Variants in ACTR3 observed in about 807,000 individuals in gnomAD.
ACTR3 encodes actin-related protein 3.
In ACTR3, 12 loss-of-function variants were observed where a neutral mutation model predicts 56.8. The ratio of observed to expected loss-of-function variants is 0.21; its 90% CI spans 0.14 to 0.34. ACTR3 has a LOEUF of 0.34. ACTR3 is among the 10% of genes least tolerant of loss of function. The pLI, the probability that ACTR3 is intolerant of heterozygous loss-of-function variation, is 1.00. For synonymous variants in ACTR3, 162 were observed against 167.4 expected (o/e 0.97, Z 0.25); for missense variants, 282 against 512.5 (o/e 0.55, Z 4.34).
At chr2:113,897,867 G>A (rs1211070784) in intron 1 of ACTR3, among the ~76,000 whole-genome samples, 1 of 152,008 alleles carries the variant, frequency 6.6e-6, no homozygotes, top group Non-Finnish European at 1.5e-5. Context: ...TACTCAACAT[G>A]CCATGTTTTC....
At chr2:113,908,631 A>G (rs1361778850) in intron 1 of ACTR3, among the ~76,000 whole-genome samples, 6 of 151,908 alleles carry the variant, frequency 3.9e-5, no homozygotes, top group Non-Finnish European at 7.4e-5. Flanking sequence ...TTCTGTTCTT[A>G]TTTTTAAAAT....
chr2:113,900,061 G>A (rs1418469022), intron 1 of ACTR3, among the ~76,000 whole-genome samples: 1 of 152,138 alleles, frequency 6.6e-6, no homozygotes, highest in Non-Finnish European at 1.5e-5. Flanking sequence ...TCTGGGTCTA[G>A]TATTTTACTT....
At chr2:113,957,302 A>G in intron 11 of ACTR3, 58 bp from the exon 12 acceptor site, 2 of 1,247,324 alleles carry the variant, frequency 1.6e-6, no homozygotes, top group Non-Finnish European at 2.4e-6. Flanking sequence ...TTATTTCAAT[A>G]TACCTTCAAG....
chr2:113,931,539 A>T (rs912669418), intron 5 of ACTR3, 143 bp downstream of exon 5: 5 of 442,608 alleles, frequency 1.1e-5, no homozygotes, highest in Non-Finnish European at 2.0e-5. Context: ...CTGAATTGTT[A>T]ATTTAGAAGT....
intron 2 of ACTR3, among the ~76,000 whole-genome samples, chr2:113,916,435 A>G (rs1679406392): frequency 6.6e-6 from 1 of 152,150 alleles, no homozygotes; most frequent in South Asian, 2.1e-4. Context: ...ACTAGACCCA[A>G]TCACTATTAC....
intron 1 of ACTR3, among the ~76,000 whole-genome samples, chr2:113,909,281 A>G (rs1679259175): frequency 6.6e-6 from 1 of 152,124 alleles, no homozygotes; most frequent in Non-Finnish European, 1.5e-5. Flanking sequence ...ACTGTTTTGT[A>G]TTAGGTTCAT....
Position 113,913,895 on chromosome 2 carries a change from C to T in ACTR3, c.100+668C>T, listed in dbSNP as rs372236993. Among the ~76,000 whole-genome samples the T allele has an allele frequency of 3.9e-5, 6 of 152,292 alleles. No individual in the cohort carries two copies. The South Asian group carries it at 1.2e-3, about 32-fold the overall frequency. ...CTGTTCCTTGATTAACGTACTTTTACACTTTTGACTTGCAAACAGTTCACG... is the reference window on the plus strand; with the variant it reads ...CTGTTCCTTGATTAACGTACTTTTATACTTTTGACTTGCAAACAGTTCACG... On this transcript the variant is annotated intron_variant, in intron 2 of 11. Coordinates refer to ENST00000263238, the MANE Select transcript of ACTR3 (RefSeq NM_005721.5).
intron 2 of ACTR3, among the ~76,000 whole-genome samples, chr2:113,915,567 A>G (rs1026011529): frequency 4.6e-5 from 7 of 152,212 alleles, no homozygotes; most frequent in African/African-American, 7.2e-5. Context: ...TCTTTTGTGT[A>G]TAATCTTTTG....
intron 1 of ACTR3, among the ~76,000 whole-genome samples, chr2:113,908,739 C>T (rs1218384378): frequency 1.3e-5 from 2 of 151,586 alleles, no homozygotes; most frequent in African/African-American, 2.4e-5. Flanking sequence ...TAGTATAAAG[C>T]GAGTGGTTTT....
rs903244632 is a variant in ACTR3 at position 113,941,444 on chromosome 2, G to A, written c.685-742G>A. Among the ~76,000 whole-genome samples the A allele has an allele frequency of 3.9e-5, 6 of 151,948 alleles. No individual in the cohort carries two copies. The East Asian group carries it at 5.8e-4, about 15-fold the overall frequency. ...TCAAATAGTGTAATCAAATGTCTTCGGATTCCAGTATTTTTTCTCTTTGTG... is the reference window on the plus strand; with the variant it reads ...TCAAATAGTGTAATCAAATGTCTTCAGATTCCAGTATTTTTTCTCTTTGTG... On this transcript the variant is annotated intron_variant, in intron 7 of 11. Transcript: ENST00000263238.
chr2:113,920,084 G>A (rs11123218), intron 3 of ACTR3, among the ~76,000 whole-genome samples: 12 of 151,958 alleles, frequency 7.9e-5, no homozygotes, highest in Non-Finnish European at 1.3e-4. Context: ...CCACCACGCC[G>A]GACTAATTTT....
intron 3 of ACTR3, among the ~76,000 whole-genome samples, chr2:113,920,349 G>A (rs1679484928): frequency 6.6e-6 from 1 of 152,170 alleles, no homozygotes; most frequent in African/African-American, 2.4e-5. Flanking sequence ...ATGAGCCACT[G>A]TGCCAGGCTT....
chr2:113,927,225 A>G lies in ACTR3; in HGVS notation c.226-120A>G, dbSNP rs1015070247. 5 of 563,692 alleles carry G rather than the reference A, an allele frequency of 8.9e-6. No individual in the cohort carries two copies. In the African/African-American group the frequency reaches 9.5e-5, roughly 11 times the overall value. The allele number at this position is 563,692 out of a possible 1,614,324, so 34.9% of individuals were successfully genotyped here. On this transcript the variant is annotated intron_variant, in intron 3 of 11. Coordinates refer to ENST00000263238, the MANE Select transcript of ACTR3 (RefSeq NM_005721.5). ...TCTTTTAAGGATGTTCTATAGTATC[A>G]CACCTATGAATATATCCTCATCTAA... is the stretch of plus-strand genomic sequence containing the variant.
At chr2:113,919,614 CAG>C (rs1256283421) in intron 3 of ACTR3, among the ~76,000 whole-genome samples, 2 of 152,034 alleles carry the variant, frequency 1.3e-5, no homozygotes, top group Non-Finnish European at 2.9e-5. Flanking sequence ...TAAAGAGTAA[CAG>C]GGCGTGATGA....
chr2:113,914,988 A>G (rs972353019), intron 2 of ACTR3, among the ~76,000 whole-genome samples: 6 of 152,200 alleles, frequency 3.9e-5, no homozygotes, highest in African/African-American at 7.2e-5. Flanking sequence ...TTATATGTCA[A>G]TACGTTGATT....
intron 3 of ACTR3, among the ~76,000 whole-genome samples, chr2:113,918,986 T>C (rs1223497209): frequency 3.9e-5 from 6 of 152,184 alleles, no homozygotes; most frequent in African/African-American, 1.4e-4. Context: ...AAACTTCACA[T>C]GTCAAAGAAC....
intron 1 of ACTR3, among the ~76,000 whole-genome samples, chr2:113,910,230 A>T (rs1184836078): frequency 6.6e-6 from 1 of 151,762 alleles, no homozygotes; most frequent in Non-Finnish European, 1.5e-5. Flanking sequence ...CTATGCACTG[A>T]AGCCTCTATA....
At chr2:113,941,290 G>T (rs963920472) in intron 7 of ACTR3, among the ~76,000 whole-genome samples, 1 of 152,172 alleles carries the variant, frequency 6.6e-6, no homozygotes. Context: ...GGAAATCTGT[G>T]AAATTAAAGC....
intron 6 of ACTR3, among the ~76,000 whole-genome samples, chr2:113,936,970 C>A (rs1025890462): frequency 6.6e-6 from 1 of 152,150 alleles, no homozygotes; most frequent in African/African-American, 2.4e-5. Context: ...CTAATGAATT[C>A]ATTTTAACTA....
Sources: allele counts gnomAD v4.1 joint callset (sites outside exome capture counted in the v4.1 genomes callset), GRCh38; gene constraint gnomAD v4.1.1; transcripts MANE v1.5; gene names NCBI Gene and HGNC (gene_info 2026-07-23, HGNC 2026-07-21).